CARS1: variants seen among roughly 807,000 people sequenced by gnomAD.
The protein encoded by CARS1 is cysteinyl-tRNA synthetase 1.
CARS1 carries 48 observed loss-of-function variants against 106.2 expected under a neutral mutation model. The ratio of observed to expected loss-of-function variants is 0.45; its 90% confidence interval spans 0.36 to 0.57. The LOEUF (loss-of-function observed/expected upper bound fraction) is 0.57, where lower values mean the gene tolerates loss of function less well. CARS1 is among the 20% of genes least tolerant of loss of function. The probability of loss-of-function intolerance (pLI) is 0.00; values close to 1 mark genes in which losing one functional copy is unlikely to be tolerated. For synonymous variants in CARS1, 409 were observed against 403.4 expected (o/e 1.01, Z -0.17); for missense variants, 968 against 1,057.2 (o/e 0.92, Z 1.17).
rs550127144 is a variant in CARS1 at position 3,021,824 on chromosome 11, C to T, written c.1154-1492G>A. ...TACCTCCGCACTGTTCTGCCACTGA[C>T]AATTCCGCAAAAGCACAATGTGATA... On this transcript the variant is annotated intron_variant, in intron 10 of 22. Coordinates refer to ENST00000380525, the MANE Select transcript of CARS1 (RefSeq NM_001014437.3). This position sits in a 1 kb window ranked among gnomAD's most constrained non-coding sequence, Gnocchi z 5.3. Among the ~76,000 whole-genome samples the T allele has an allele frequency of 6.6e-6, 1 of 152,212 alleles. No individual in the cohort carries two copies. Among genetic ancestry groups the T allele is most frequent in the South Asian group, 2.1e-4 (1 of 4,832 alleles).
In CARS1 at chr11:3,037,810, C is replaced by T. The variant is rs1040585240; in HGVS notation, c.801+240G>A. On this transcript the variant is annotated intron_variant, in intron 7 of 22. Coordinates refer to ENST00000380525, the MANE Select transcript of CARS1 (RefSeq NM_001014437.3). The surrounding 1 kb of genome is among the most constrained non-coding windows in gnomAD (Gnocchi z 5.9). Reference sequence around the variant, plus strand: ...GGAAGTGGTGGGAGGGTGTGGATCCCGAGTCTCCTTCCAGTGGCACAGGCT... The same window carrying T: ...GGAAGTGGTGGGAGGGTGTGGATCCTGAGTCTCCTTCCAGTGGCACAGGCT... Among the ~76,000 whole-genome samples the T allele has an allele frequency of 4.6e-5, 7 of 151,984 alleles. No individual in the cohort carries two copies. Among genetic ancestry groups the T allele is most frequent in the Non-Finnish European group, 8.8e-5 (6 of 67,976 alleles).
intron 2 of CARS1, 105 bp from the exon 3 acceptor site, chr11:3,042,361 C>A: frequency 1.4e-6 from 1 of 732,810 alleles, no homozygotes; most frequent in Non-Finnish European, 2.3e-6. Context: ...CATAGTTTTC[C>A]ATGAAATTTA....
intron 7 of CARS1, among the ~76,000 whole-genome samples, chr11:3,036,260 G>A (rs993191201): frequency 7.9e-5 from 12 of 152,184 alleles, no homozygotes; most frequent in South Asian, 2.1e-4. Flanking sequence ...ACTCGATGCC[G>A]AGTCTCATGA....
rs1317667225 is a variant in CARS1, at chr11:3,050,381, A to G, written c.26-2380T>C. Among the ~76,000 whole-genome samples, 1 of 152,132 alleles carries G rather than the reference A, an allele frequency of 6.6e-6. No individual in the cohort carries two copies. The highest frequency in any genetic ancestry group is 1.9e-4 in the East Asian group (1 of 5,194). ...AAAGCTCTGGGCACACTCCCTAGCC[A>G]AAACTGGAATCACACCCCTTTACAA... On this transcript the variant is annotated intron_variant, in intron 1 of 22. Coordinates refer to ENST00000380525, the MANE Select transcript of CARS1 (RefSeq NM_001014437.3). The surrounding 1 kb of genome is among the most constrained non-coding windows in gnomAD (Gnocchi z 6.3).
chr11:3,017,133 G>T lies in CARS1; in HGVS notation c.1890C>A (p.Ile630=), dbSNP rs61737274. Residue 630 remains isoleucine, a synonymous_variant, in exon 16 of 23, where the codon ATC becomes ATA. Transcript: ENST00000380525. This position sits in a 1 kb window ranked among gnomAD's most constrained non-coding sequence, Gnocchi z 4.9. ...TCAGCATATGGGTGAGGTACAGGGC[G>T]ATGTTCTCCAGCAGAGCCTGGTTGG... ...KRPNQALLEN[I]ALYLTHMLKI... 6,762 of 1,614,024 alleles carry T rather than the reference G, an allele frequency of 4.2e-3. 248 individuals are homozygous for T. In the African/African-American group the frequency reaches 0.078, roughly 19 times the overall value.
At chr11:3,016,672 C>G (rs551282825) in intron 16 of CARS1, among the ~76,000 whole-genome samples, 3 of 152,176 alleles carry the variant, frequency 2.0e-5, no homozygotes, top group African/African-American at 7.2e-5. Flanking sequence ...GAGTGGAGTG[C>G]AGTAGTGCAA....
In CARS1 at chr11:3,005,413, G is replaced by C. The variant is rs562180017; in HGVS notation, c.2170C>G (p.Leu724Val). ...DHEGLPTVVK[L>V]VDRNTLLKER... ...TTTAATAAGGTGTTTCTGTCTACCA[G>C]TTTCACCACTGTGGGCAGTCCTGCA... is the stretch of plus-strand genomic sequence containing the variant. Residue 724 changes from leucine (L) to valine (V), a missense_variant, in exon 20 of 23, where the codon CTG becomes GTG. Transcript: ENST00000380525. 6.2e-7 allele frequency: 1 copy of C among 1,613,900 alleles called. No individual in the cohort carries two copies. Among genetic ancestry groups the C allele is most frequent in the East Asian group, 2.2e-5 (1 of 44,872 alleles).
At position 3,026,707 on chromosome 11, in the gene CARS1, A is replaced by G. The variant is rs763313001; in HGVS notation, c.1122T>C (p.Val374=). 1 of 1,613,926 alleles carries G rather than the reference A, an allele frequency of 6.2e-7. No homozygotes were observed. ...CTTCTTGAAGGGCTTTCTGATCTCCAACGGCCTCAGGCACCAGCTTCCCAT... is the reference window on the plus strand; with the variant it reads ...CTTCTTGAAGGGCTTTCTGATCTCCGACGGCCTCAGGCACCAGCTTCCCAT... ...HSYGKLVPEA[V]GDQKALQEGE... is the part of the protein sequence containing the mutation. Residue 374 remains valine (V), a synonymous_variant, in exon 10 of 23, where the codon GTT becomes GTC. Coordinates refer to ENST00000380525, the MANE Select transcript of CARS1 (RefSeq NM_001014437.3).
Position 3,042,190 on chromosome 11 carries a change from A to G in CARS1, c.341T>C (p.Leu114Pro). 6.2e-7 allele frequency: 1 copy of G among 1,613,922 alleles called. No individual in the cohort carries two copies. Among genetic ancestry groups the G allele is most frequent in the Non-Finnish European group, 8.5e-7 (1 of 1,179,956 alleles). ...CTTGTTCCTGGTGAGGCTGTTGTAA[A>G]GGTGGAGTCTGCATGGCTGGGTCCC... ...PAGTQPCRLH[L>P]YNSLTRNKEV... is the part of the protein sequence containing the mutation. Residue 114 changes from leucine (L) to proline (P), a missense_variant, in exon 3 of 23, where the codon CTT becomes CCT. Transcript: ENST00000380525.
rs1851376984 is a variant in CARS1 at position 3,019,565 on chromosome 11, AT to A, written c.1267-299del. Among the ~76,000 whole-genome samples, 1 of 152,094 alleles carries A rather than the reference AT, an allele frequency of 6.6e-6. No individual in the cohort carries two copies. The highest frequency in any genetic ancestry group is 1.5e-5 in the Non-Finnish European group (1 of 68,012). The stretch of plus-strand genomic sequence containing the variant: ...AAAAAAATACAAAAATTAGCTGAGC[AT>A]GGTGACGTATGCCTGTAATCCCAGC... On this transcript the variant is annotated intron_variant, in intron 11 of 22. Coordinates refer to ENST00000380525, the MANE Select transcript of CARS1 (RefSeq NM_001014437.3). This position sits in a 1 kb window ranked among gnomAD's most constrained non-coding sequence, Gnocchi z 6.2.
chr11:3,018,928 G>A (rs1434495923), intron 12 of CARS1, among the ~76,000 whole-genome samples, 179 bp from the exon 13 acceptor site: 2 of 152,232 alleles, frequency 1.3e-5, no homozygotes, highest in Admixed American at 6.5e-5. Flanking sequence ...AACACAACTG[G>A]TTCAAATCCA....
In CARS1 at chr11:3,057,393, G is replaced by A. The variant is rs560788558; in HGVS notation, c.-26C>T. The A allele has an allele frequency of 1.2e-6, 2 of 1,606,504 alleles. No individual in the cohort carries two copies. Among genetic ancestry groups the A allele is most frequent in the Admixed American group, 1.7e-5 (1 of 59,702 alleles). Reference sequence around the variant, plus strand: ...GGCTGGGAATCCCGGACCCGCAGCTGCGGCTACAGACACTTCCTAGAATCT... The same window carrying A: ...GGCTGGGAATCCCGGACCCGCAGCTACGGCTACAGACACTTCCTAGAATCT... On this transcript the variant is annotated 5_prime_UTR_variant, in exon 1 of 23. Coordinates refer to ENST00000380525, the MANE Select transcript of CARS1 (RefSeq NM_001014437.3).
At position 3,019,918 on chromosome 11, in the gene CARS1, G is replaced by A. The variant is rs1052663739; in HGVS notation, c.1266+302C>T. On this transcript the variant is annotated intron_variant, in intron 11 of 22. Coordinates refer to ENST00000380525, the MANE Select transcript of CARS1 (RefSeq NM_001014437.3). The surrounding 1 kb of genome is among the most constrained non-coding windows in gnomAD (Gnocchi z 6.2). ...AACGCATCCTACACCCTGGGGCCTG[G>A]AATACTCAGAGTCACAGAACACAAG... Among the ~76,000 whole-genome samples the A allele has an allele frequency of 6.6e-5, 10 of 152,262 alleles. 1 individual carries two copies. The highest frequency in any genetic ancestry group is 2.4e-4 in the African/African-American group (10 of 41,546).
chr11:3,012,253 G>A lies in CARS1; in HGVS notation c.2010C>T (p.Tyr670=). 1 of 1,614,248 alleles carries A rather than the reference G, an allele frequency of 6.2e-7. No homozygotes were observed. Among genetic ancestry groups the A allele is most frequent in the Non-Finnish European group, 8.5e-7 (1 of 1,180,032 alleles). Reference sequence around the variant, plus strand: ...CTCGGAATTCTGATAACACCTGAAGGTAGGGCATGACTGTGGCCTCGAGCT... The same window carrying A: ...CTCGGAATTCTGATAACACCTGAAGATAGGGCATGACTGTGGCCTCGAGCT... ...SLSLEATVMP[Y]LQVLSEFREG... Residue 670 remains tyrosine, a synonymous_variant, in exon 18 of 23, where the codon TAC becomes TAT. Transcript: ENST00000380525.
In CARS1 at chr11:3,030,151, A is replaced by G. The variant is rs7480005; in HGVS notation, c.802-708T>C. 124,195 of 151,962 alleles carry G rather than the reference A, an allele frequency of 0.82. 50,855 individuals carry two copies. Among genetic ancestry groups the G allele is most frequent in the Admixed American group, 0.86 (13,132 of 15,272 alleles). The allele number at this position is 151,962 out of a possible 1,614,324, so 9.4% of individuals were successfully genotyped here. ...TGACGTGGACCCAGGACAGGGCGTG[A>G]CACCAAGCAGATGGTCTGTGGCCTA... On this transcript the variant is annotated intron_variant, in intron 7 of 22. Transcript: ENST00000380525. This position sits in a 1 kb window ranked among gnomAD's most constrained non-coding sequence, Gnocchi z 5.7.
intron 22 of CARS1, 107 bp from the exon 23 acceptor site, chr11:3,001,355 C>T (rs1849388155): frequency 1.5e-6 from 2 of 1,318,988 alleles, no homozygotes; most frequent in African/African-American, 1.4e-5. Flanking sequence ...CTGATGCAGC[C>T]ATGTCCTCTT....
At position 3,017,445 on chromosome 11, in the gene CARS1, C is replaced by G; in HGVS notation, c.1728-150G>C. 1 of 636,532 alleles carries G rather than the reference C, an allele frequency of 1.6e-6. No homozygotes were observed. Among genetic ancestry groups the G allele is most frequent in the African/African-American group, 1.8e-5 (1 of 54,936 alleles). The allele number at this position is 636,532 out of a possible 1,614,324, so 39.4% of individuals were successfully genotyped here. On this transcript the variant is annotated intron_variant, in intron 15 of 22. Transcript: ENST00000380525. The surrounding 1 kb of genome is among the most constrained non-coding windows in gnomAD (Gnocchi z 4.9). ...ATCACCTGAGGTCGGGAGTTCGAGA[C>G]CAGCCTGACAAACATGGAGAGACCC...
At chr11:3,007,466 C>T (rs573007781) in intron 18 of CARS1, 1 of 154,554 alleles carries the variant, frequency 6.5e-6, no homozygotes, top group Admixed American at 6.5e-5. Flanking sequence ...CGATGGGGGT[C>T]CTGACCGGCA....
Position 3,055,888 on chromosome 11 carries a change from C to T in CARS1, c.25+1455G>A, listed in dbSNP as rs185370865. Among the ~76,000 whole-genome samples the T allele has an allele frequency of 3.3e-4, 51 of 152,332 alleles. 1 individual carries two copies. The highest frequency in any genetic ancestry group is 3.3e-3 in the Admixed American group (50 of 15,310). On this transcript the variant is annotated intron_variant, in intron 1 of 22. Transcript: ENST00000380525. ...CCATGCTCCAAGGTAGGAGCCATTACGCATGGTTTGCTGTGGGGCGGGAGG... is the reference window on the plus strand; with the variant it reads ...CCATGCTCCAAGGTAGGAGCCATTATGCATGGTTTGCTGTGGGGCGGGAGG...
Sources: allele counts gnomAD v4.1 joint callset (sites outside exome capture counted in the v4.1 genomes callset), GRCh38; gene constraint gnomAD v4.1.1; non-coding constraint Gnocchi (gnomAD v3.1); transcripts MANE v1.5; gene names NCBI Gene and HGNC (gene_info 2026-07-23, HGNC 2026-07-21).